The following ARL1 variants were observed in gnomAD, a reference collection of about 807,000 sequenced individuals.
The protein encoded by ARL1 is ARF like GTPase 1.
In ARL1, 17 loss-of-function variants were observed where a neutral mutation model predicts 30.1. The ratio of observed to expected loss-of-function variants is 0.56; its 90% CI spans 0.39 to 0.85. ARL1 has a LOEUF of 0.85. ARL1 is among the 40% of genes least tolerant of loss of function. ARL1 has a pLI of 0.00. For synonymous variants in ARL1, 58 were observed against 71.7 expected (o/e 0.81, Z 0.97); for missense variants, 102 against 212.6 (o/e 0.48, Z 3.24).
In ARL1 at chr12:101,407,710, G is replaced by A. The variant is rs1565817109; in HGVS notation, c.-65C>T. ...CCTTGGCCTTCGGCTGCAGCTCCGA[G>A]GCGGTTTCCTCGCAAGCCCAGTCAG... On this transcript the variant is annotated 5_prime_UTR_variant, in exon 1 of 6. Coordinates refer to ENST00000261636, the MANE Select transcript of ARL1 (RefSeq NM_001177.6). The A allele has an allele frequency of 3.7e-6, 6 of 1,609,064 alleles. No individual in the cohort carries two copies. The highest frequency in any genetic ancestry group is 1.7e-5 in the Admixed American group (1 of 59,890).
chr12:101,396,637 A>G, intron 4 of ARL1, 60 bp from the exon 5 acceptor site: 1 of 1,356,864 alleles, frequency 7.4e-7, no homozygotes, highest in Non-Finnish European at 1.0e-6. Flanking sequence ...GAGTTTAGAA[A>G]ATGTCCAAAA....
intron 3 of ARL1, among the ~76,000 whole-genome samples, chr12:101,402,381 G>A (rs990235310): frequency 2.6e-5 from 4 of 152,136 alleles, no homozygotes; most frequent in Non-Finnish European, 5.9e-5. Context: ...TAGAGACGAG[G>A]TTTCACCATG....
chr12:101,396,003 G>A (rs1593463828), intron 5 of ARL1: 2 of 526,176 alleles, frequency 3.8e-6, no homozygotes, highest in Admixed American at 3.6e-5. Flanking sequence ...TTACAAGACA[G>A]CAAAACAAGT....
At chr12:101,396,669 T>C in intron 4 of ARL1, 92 bp from the exon 5 acceptor site, 7 of 920,944 alleles carry the variant, frequency 7.6e-6, no homozygotes, top group Non-Finnish European at 1.1e-5. Context: ...ACGTGTATTT[T>C]ATAATTAATA....
At chr12:101,407,434 G>A (rs1871476407) in intron 1 of ARL1, 4 of 606,384 alleles carry the variant, frequency 6.6e-6, no homozygotes, top group Non-Finnish European at 1.1e-5. Context: ...CAGGAATCAA[G>A]GGGAACCGAG....
chr12:101,406,836 G>A (rs1030283233), intron 1 of ARL1, among the ~76,000 whole-genome samples: 1 of 152,170 alleles, frequency 6.6e-6, no homozygotes, highest in African/African-American at 2.4e-5. Flanking sequence ...CAAAACTGAA[G>A]GCGGTTATGG....
In ARL1 at chr12:101,404,974, C is replaced by A. The variant is rs1171947713; in HGVS notation, c.142+870G>T. 6.6e-5 allele frequency among the ~76,000 whole-genome samples: 10 copies of A among 152,262 alleles called. No individual in the cohort carries two copies. The East Asian group carries it at 1.5e-3, about 24-fold the overall frequency. On this transcript the variant is annotated intron_variant, in intron 2 of 5. Transcript: ENST00000261636. ...ACAACCTCTGCCTCCCAGGTTCAAGCGATTCTCCTGCCTCAGCCTTCCGAG... is the reference window on the plus strand; with the variant it reads ...ACAACCTCTGCCTCCCAGGTTCAAGAGATTCTCCTGCCTCAGCCTTCCGAG...
At chr12:101,399,896 G>A (rs1871256667) in intron 4 of ARL1, among the ~76,000 whole-genome samples, 1 of 152,014 alleles carries the variant, frequency 6.6e-6, no homozygotes, top group African/African-American at 2.4e-5. Context: ...ATTTTAGAGG[G>A]AGAGATACAT....
chr12:101,399,621 C>A (rs1023704860), intron 4 of ARL1, among the ~76,000 whole-genome samples: 7 of 151,704 alleles, frequency 4.6e-5, no homozygotes, highest in Non-Finnish European at 7.4e-5. Context: ...TTTAAACATC[C>A]CTTGATTAAA....
intron 2 of ARL1, 161 bp downstream of exon 2, chr12:101,405,683 A>T: frequency 1.6e-6 from 1 of 632,258 alleles, no homozygotes; most frequent in Non-Finnish European, 2.3e-6. Context: ...TGGGAGGCCA[A>T]GGCAGGAGGA....
Position 101,402,911 on chromosome 12 carries a change from T to G in ARL1, c.178A>C (p.Asn60His), listed in dbSNP as rs748085890. Residue 60 changes from asparagine (N) to histidine (H), a missense_variant, in exon 3 of 6, where the codon AAC becomes CAC. Asn to His is a moderately conservative substitution (Grantham distance 68). Coordinates refer to ENST00000261636, the MANE Select transcript of ARL1 (RefSeq NM_001177.6). Reference sequence around the variant, plus strand: ...AAATCCCAGACTTGGAATTTAAGGTTTTTGTACGTCACCGTCTCTACATTA... The same window carrying G: ...AAATCCCAGACTTGGAATTTAAGGTGTTTGTACGTCACCGTCTCTACATTA... Reference protein sequence around the residue: ...GFNVETVTYKNLKFQVWDLGG... With the variant: ...GFNVETVTYKHLKFQVWDLGG... 1.2e-6 allele frequency: 2 copies of G among 1,613,216 alleles called. No homozygotes were observed. The highest frequency in any genetic ancestry group is 1.7e-6 in the Non-Finnish European group (2 of 1,179,396).
intron 4 of ARL1, among the ~76,000 whole-genome samples, chr12:101,397,920 T>C (rs1255428278): frequency 6.6e-6 from 1 of 152,214 alleles, no homozygotes; most frequent in African/African-American, 2.4e-5. Flanking sequence ...TCCTTAGTCA[T>C]TGGCTTCTGG....
intron 5 of ARL1, chr12:101,396,032 G>A: frequency 1.8e-6 from 1 of 549,700 alleles, no homozygotes; most frequent in Non-Finnish European, 3.2e-6. Flanking sequence ...ACTAATCTGT[G>A]ACAAGGGCAT....
At chr12:101,396,619 GCTCT>G in intron 4 of ARL1, 42 bp from the exon 5 acceptor site, 4 of 1,528,518 alleles carry the variant, frequency 2.6e-6, no homozygotes, top group Non-Finnish European at 3.6e-6. Context: ...TAACTAATGT[GCTCT>G]CTCGAGTTTA....
chr12:101,395,710 C>G, intron 5 of ARL1, 40 bp from the exon 6 acceptor site: 2 of 1,418,292 alleles, frequency 1.4e-6, no homozygotes, highest in Non-Finnish European at 1.9e-6. Flanking sequence ...AATTAATTTT[C>G]AGGTATAAAG....
At position 101,396,478 on chromosome 12, in the gene ARL1, G is replaced by A. The variant is rs766628640; in HGVS notation, c.436C>T (p.Pro146Ser). 3.7e-6 allele frequency: 6 copies of A among 1,613,850 alleles called. No individual in the cohort carries two copies. In the East Asian group the frequency reaches 1.3e-4, roughly 36 times the overall value. ...SSEMANSLGL[P>S]ALKDRKWQIF... ...TGCCATTTTCGGTCCTTCAAGGCAGGTAACCCAAGTGAATTTGCCATCTCT... is the reference window on the plus strand; with the variant it reads ...TGCCATTTTCGGTCCTTCAAGGCAGATAACCCAAGTGAATTTGCCATCTCT... Residue 146 changes from proline (P) to serine (S), a missense_variant, in exon 5 of 6, where the codon CCT becomes TCT. Transcript: ENST00000261636.
At position 101,406,710 on chromosome 12, in the gene ARL1, G is replaced by A. The variant is rs117229923; in HGVS notation, c.5-729C>T. 3.0e-3 allele frequency among the ~76,000 whole-genome samples: 453 copies of A among 152,330 alleles called. 2 individuals carry two copies. Among genetic ancestry groups the A allele is most frequent in the Middle Eastern group, 0.01 (3 of 294 alleles). On this transcript the variant is annotated intron_variant, in intron 1 of 5. Coordinates refer to ENST00000261636, the MANE Select transcript of ARL1 (RefSeq NM_001177.6). ...TGGCAAAGACATGGCATAACTAAGA[G>A]CTGCGAGTTGAAAAATGAACAACAC...
intron 5 of ARL1, 107 bp from the exon 6 acceptor site, chr12:101,395,777 A>T (rs1247431288): frequency 4.0e-6 from 3 of 746,716 alleles, no homozygotes; most frequent in Non-Finnish European, 6.9e-6. Flanking sequence ...ACTTAAAATG[A>T]TGACAGCTAA....
chr12:101,407,522 C>A, intron 1 of ARL1, 120 bp downstream of exon 1: 1 of 1,372,766 alleles, frequency 7.3e-7, no homozygotes, highest in South Asian at 1.3e-5. Context: ...CCTCCGCGAC[C>A]CGCCCCCTGA....
Sources: allele counts gnomAD v4.1 joint callset (sites outside exome capture counted in the v4.1 genomes callset), GRCh38; gene constraint gnomAD v4.1.1; transcripts MANE v1.5; gene names NCBI Gene and HGNC (gene_info 2026-07-23, HGNC 2026-07-21).